Variants in OR6B1 observed in about 807,000 individuals in gnomAD.
The protein encoded by OR6B1 is olfactory receptor 6B1.
OR6B1 carries 15 observed loss-of-function variants against 15.4 expected under a neutral mutation model. The observed-to-expected ratio is 0.97, with a 90% CI of 0.65 to 1.50. The LOEUF is 1.50. Among genes scored for constraint, OR6B1 ranks in the 40% most tolerant of loss-of-function variants. OR6B1 has a pLI of 0.00. For missense variants in OR6B1, 384 were observed against 385.0 expected, an observed-to-expected ratio of 1.00 and a Z score of 0.02; for synonymous variants, 139 against 144.9, an observed-to-expected ratio of 0.96 and a Z score of 0.29.
chr7:144,003,773 T>TCTCACA (rs1554405844), intron 1 of OR6B1, among the ~76,000 whole-genome samples, 199 bp from the exon 2 acceptor site: 133 of 140,226 alleles, frequency 9.5e-4, no homozygotes, highest in African/African-American at 3.2e-3. Flanking sequence ...ACAGATACAA[T>TCTCACA]CACACACACA....
At position 144,004,629 on chromosome 7, in the gene OR6B1, C is replaced by A. The variant is rs2050610702; in HGVS notation, c.633C>A (p.Leu211=). 1 of 1,614,110 alleles carries A rather than the reference C, an allele frequency of 6.2e-7. No individual in the cohort carries two copies. Reference sequence around the variant, plus strand: ...CACTGGTCATCTTCCTATTCCCACTCTTTATTACTGTCCTGTCCTACGGAT... The same window carrying A: ...CACTGGTCATCTTCCTATTCCCACTATTTATTACTGTCCTGTCCTACGGAT... The part of the protein sequence containing the change: ...ILALVIFLFP[L]FITVLSYGCI... Residue 211 remains leucine (L), a synonymous_variant, in exon 2 of 2, where the codon CTC becomes CTA. Transcript: ENST00000641698.
chr7:144,004,290 G>T lies in OR6B1; in HGVS notation c.294G>T (p.Met98Ile). Residue 98 changes from methionine (M) to isoleucine (I), a missense_variant, in exon 2 of 2, where the codon ATG (methionine) becomes ATT (isoleucine). Physicochemically the swap from Met to Ile is conservative, Grantham distance 10. Coordinates refer to ENST00000641698, the MANE Select transcript of OR6B1 (RefSeq NM_001005281.3). ...ACAGCATCTCTTTCACACTCTGTAT[G>T]ATACAACTGTACTTCTTCATTGCTC... ...VNNSISFTLCMIQLYFFIALM... is the reference protein window; with the variant it reads ...VNNSISFTLCIIQLYFFIALM... The T allele has an allele frequency of 6.2e-7, 1 of 1,614,196 alleles. No homozygotes were observed. The highest frequency in any genetic ancestry group is 8.5e-7 in the Non-Finnish European group (1 of 1,180,044).
rs538974108 is a variant in OR6B1 at position 144,008,219 on chromosome 7, GAAGA to G, written c.*3291_*3294del. 6.6e-6 allele frequency: 1 copy of G among 152,190 alleles called. No individual in the cohort carries two copies. Among genetic ancestry groups the G allele is most frequent in the Non-Finnish European group, 1.5e-5 (1 of 68,052 alleles). The allele number at this position is 152,190 out of a possible 1,614,324, so 9.4% of individuals were successfully genotyped here. ...GGCAATAAGTGCTATGGATGGGGAG[GAAGA>G]AAGCATGAAAGTATAATAGGAAGTG... is the stretch of plus-strand genomic sequence containing the variant. On this transcript the variant is annotated 3_prime_UTR_variant, in exon 2 of 2. Transcript: ENST00000641698.
chr7:144,001,515 C>T (rs912672166), intron 1 of OR6B1, among the ~76,000 whole-genome samples: 13 of 152,132 alleles, frequency 8.5e-5, no homozygotes, highest in African/African-American at 2.9e-4. Flanking sequence ...GTCTATGAAT[C>T]TCTGGTTTGG....
rs1320351380 is a variant in OR6B1 at position 144,007,148 on chromosome 7, T to A, written c.*2216T>A. 4 of 152,160 alleles carry A rather than the reference T, an allele frequency of 2.6e-5. No homozygotes were observed. Among genetic ancestry groups the A allele is most frequent in the Non-Finnish European group, 5.9e-5 (4 of 68,016 alleles). The allele number at this position is 152,160 out of a possible 1,614,324, so 9.4% of individuals were successfully genotyped here. On this transcript the variant is annotated 3_prime_UTR_variant, in exon 2 of 2. Transcript: ENST00000641698. ...GAAAGGGAGAATGTAGAAGTAGGGT[T>A]TCTTGGGGAATTCTATTAAATTTTT...
At chr7:144,002,087 C>G (rs2050588308) in intron 1 of OR6B1, among the ~76,000 whole-genome samples, 2 of 152,114 alleles carry the variant, frequency 1.3e-5, no homozygotes. Flanking sequence ...ATTGGTAAGT[C>G]CAAAATGTGA....
rs373594725 is a variant in OR6B1, at chr7:144,004,038, G to C, written c.42G>C (p.Leu14=). The change falls in exon 2 of 2, where the codon CTG becomes CTC. Residue 14 remains leucine (L), a synonymous_variant. Transcript: ENST00000641698. ...ENQTRVTKFI[L]VGFPGSLSMR... ...AGACACGAGTCACCAAGTTCATTCT[G>C]GTGGGATTCCCTGGGAGCTTGAGTA... 16 of 1,613,800 alleles carry C rather than the reference G, an allele frequency of 9.9e-6. No individual in the cohort carries two copies. In the African/African-American group the frequency reaches 2.0e-4, roughly 20 times the overall value.
At chr7:144,001,994 C>G (rs1471314085) in intron 1 of OR6B1, among the ~76,000 whole-genome samples, 1 of 152,160 alleles carries the variant, frequency 6.6e-6, no homozygotes, top group East Asian at 1.9e-4. Context: ...GGGTTCATCT[C>G]TAATAGTCTC....
At position 144,006,887 on chromosome 7, in the gene OR6B1, A is replaced by T. The variant is rs1268795158; in HGVS notation, c.*1955A>T. ...TCTTACGCAATGGTTATGAGGATCA[A>T]CTACCATGATGGAAAAGACATTGAT... On this transcript the variant is annotated 3_prime_UTR_variant, in exon 2 of 2. Transcript: ENST00000641698. The T allele has an allele frequency of 6.6e-6, 1 of 152,206 alleles. No homozygotes were observed. The highest frequency in any genetic ancestry group is 6.5e-5 in the Admixed American group (1 of 15,286). The allele number at this position is 152,206 out of a possible 1,614,324, so 9.4% of individuals were successfully genotyped here.
intron 1 of OR6B1, among the ~76,000 whole-genome samples, chr7:144,003,187 C>A (rs974067822): frequency 1.3e-5 from 2 of 152,156 alleles, no homozygotes; most frequent in Non-Finnish European, 2.9e-5. Flanking sequence ...TTAGTGTATT[C>A]CTACCTTCAT....
chr7:144,004,629 C>G lies in OR6B1; in HGVS notation c.633C>G (p.Leu211=). Residue 211 remains leucine, a synonymous_variant, in exon 2 of 2, where the codon CTC becomes CTG. Coordinates refer to ENST00000641698, the MANE Select transcript of OR6B1 (RefSeq NM_001005281.3). ...CACTGGTCATCTTCCTATTCCCACT[C>G]TTTATTACTGTCCTGTCCTACGGAT... is the stretch of plus-strand genomic sequence containing the variant. ...ILALVIFLFP[L]FITVLSYGCI... is the part of the protein sequence containing the mutation. The G allele has an allele frequency of 6.2e-7, 1 of 1,614,230 alleles. No homozygotes were observed. Among genetic ancestry groups the G allele is most frequent in the Non-Finnish European group, 8.5e-7 (1 of 1,180,044 alleles).
At chr7:144,000,818 A>C (rs1010982145) in intron 1 of OR6B1, among the ~76,000 whole-genome samples, 168 bp downstream of exon 1, 1 of 152,208 alleles carries the variant, frequency 6.6e-6, no homozygotes, top group Admixed American at 6.5e-5. Flanking sequence ...CCTGAAATCT[A>C]AGTGCAGCCA....
At chr7:144,003,862 T>C in intron 1 of OR6B1, 110 bp from the exon 2 acceptor site, 1 of 641,530 alleles carries the variant, frequency 1.6e-6, no homozygotes, top group South Asian at 2.0e-5. Context: ...CAGTTCATGG[T>C]CTGACCTGTA....
At chr7:144,001,917 A>G (rs1180083918) in intron 1 of OR6B1, among the ~76,000 whole-genome samples, 1 of 152,154 alleles carries the variant, frequency 6.6e-6, no homozygotes, top group Non-Finnish European at 1.5e-5. Flanking sequence ...ATTTCTATAC[A>G]TTCATTTCTG....
intron 1 of OR6B1, among the ~76,000 whole-genome samples, chr7:144,001,541 C>T (rs2050584954): frequency 6.6e-6 from 1 of 152,190 alleles, no homozygotes; most frequent in South Asian, 2.1e-4. Context: ...TTGTCCCATC[C>T]TAACCCATCC....
chr7:144,004,106 T>C lies in OR6B1; in HGVS notation c.110T>C (p.Leu37Pro). The change falls in exon 2 of 2, where the codon CTG (leucine) becomes CCG (proline). Residue 37 changes from leucine to proline, a missense_variant. By Grantham distance (98) the Leu-to-Pro change is moderately conservative. Transcript: ENST00000641698. The stretch of plus-strand genomic sequence containing the variant: ...CTGATATTCCTTGTGGCCTATATTC[T>C]GACAGTGGCTGAAAACGTGATCATC... ...MFLIFLVAYI[L>P]TVAENVIIIL... 1 of 1,614,114 alleles carries C rather than the reference T, an allele frequency of 6.2e-7. No individual in the cohort carries two copies. The highest frequency in any genetic ancestry group is 8.5e-7 in the Non-Finnish European group (1 of 1,180,018).
rs2050613994 is a variant in OR6B1 at position 144,004,864 on chromosome 7, C to T, written c.868C>T (p.Leu290=). 1.2e-6 allele frequency: 2 copies of T among 1,612,526 alleles called. No homozygotes were observed. Among genetic ancestry groups the T allele is most frequent in the Admixed American group, 1.7e-5 (1 of 59,972 alleles). ...TTCTCTCAACCCTTTCATTTATTGC[C>T]TAAGAAACCGAGAGGTCAAGGAAGC... The part of the protein sequence containing the change: ...TPSLNPFIYC[L]RNREVKEALK... The change falls in exon 2 of 2, where the codon CTA becomes TTA. Residue 290 remains leucine (L), a synonymous_variant. Coordinates refer to ENST00000641698, the MANE Select transcript of OR6B1 (RefSeq NM_001005281.3).
Position 144,004,541 on chromosome 7 carries a change from C to T in OR6B1, c.545C>T (p.Ser182Phe). Residue 182 changes from serine (S) to phenylalanine (F), a missense_variant, in exon 2 of 2, where the codon TCT becomes TTT. Coordinates refer to ENST00000641698, the MANE Select transcript of OR6B1 (RefSeq NM_001005281.3). ...NVINHFFCDI[S>F]PVLNLSCTDM... ...ATCAACCACTTCTTCTGTGACATCT[C>T]TCCAGTACTTAATCTCTCCTGCACA... The T allele has an allele frequency of 1.9e-6, 3 of 1,614,246 alleles. No homozygotes were observed. The highest frequency in any genetic ancestry group is 2.5e-6 in the Non-Finnish European group (3 of 1,180,044).
In OR6B1 at chr7:144,007,892, A is replaced by C. The variant is rs778394047; in HGVS notation, c.*2960A>C. 2.6e-5 allele frequency: 4 copies of C among 152,230 alleles called. No homozygotes were observed. The highest frequency in any genetic ancestry group is 9.6e-5 in the African/African-American group (4 of 41,468). The allele number at this position is 152,230 out of a possible 1,614,324, so 9.4% of individuals were successfully genotyped here. On this transcript the variant is annotated 3_prime_UTR_variant, in exon 2 of 2. Coordinates refer to ENST00000641698, the MANE Select transcript of OR6B1 (RefSeq NM_001005281.3). The stretch of plus-strand genomic sequence containing the variant: ...ATTATCCGAGTGGACTCAATGTCCA[A>C]TGACAAGTTCCTTATATGAGAGAGA...
Sources: gnomAD v4.1 joint callset for allele counts (sites outside exome capture counted in the v4.1 genomes callset) on GRCh38, gnomAD v4.1.1 for gene constraint, MANE v1.5 for transcripts, NCBI Gene and HGNC (gene_info 2026-07-23, HGNC 2026-07-21) for gene names.